The following IRF2 variants were observed in gnomAD, a reference collection of about 807,000 sequenced individuals.
IRF2 encodes interferon regulatory factor 2.
IRF2 carries 15 observed loss-of-function variants against 40.6 expected under a neutral mutation model. The observed-to-expected ratio is 0.37, with a 90% CI of 0.25 to 0.57. IRF2 has a LOEUF of 0.57. IRF2 is among the 20% of genes least tolerant of loss of function. The probability of loss-of-function intolerance (pLI) is 0.77; values close to 1 mark genes in which losing one functional copy is unlikely to be tolerated. For synonymous variants in IRF2, 151 were observed against 165.5 expected (o/e 0.91, Z 0.67); for missense variants, 317 against 455.7 (o/e 0.70, Z 2.77).
chr4:184,416,977 C>T (rs538613482), intron 5 of IRF2, among the ~76,000 whole-genome samples: 3 of 152,098 alleles, frequency 2.0e-5, no homozygotes, highest in African/African-American at 7.2e-5. Context: ...ACCCAGGAGG[C>T]GGAGGTTGCA....
In IRF2 at chr4:184,396,415, CAT is replaced by C. The variant is rs199771117; in HGVS notation, c.694+2498_694+2499del. 6.3e-4 allele frequency among the ~76,000 whole-genome samples: 93 copies of C among 147,848 alleles called. No homozygotes were observed. In the South Asian group the frequency reaches 0.011, roughly 18 times the overall value. On this transcript the variant is annotated intron_variant, in intron 7 of 8. Coordinates refer to ENST00000393593, the MANE Select transcript of IRF2 (RefSeq NM_002199.4). ...GCTCTACCCACGCCAGCCGCAGATC[CAT>C]ATATATATATTTTTTTTTCTTTTTT...
intron 1 of IRF2, among the ~76,000 whole-genome samples, chr4:184,441,691 A>G (rs1159924893): frequency 6.6e-6 from 1 of 152,150 alleles, no homozygotes; most frequent in Admixed American, 6.5e-5. Context: ...ATCCTCCACC[A>G]TGAGGGTATT....
chr4:184,471,938 G>A (rs1739526685), intron 1 of IRF2: 1 of 152,200 alleles, frequency 6.6e-6, no homozygotes, highest in African/African-American at 2.4e-5. Flanking sequence ...AATGAAATAT[G>A]TAAATGTTTA....
intron 7 of IRF2, among the ~76,000 whole-genome samples, chr4:184,396,280 C>G (rs563033232): frequency 6.6e-6 from 1 of 152,162 alleles, no homozygotes; most frequent in African/African-American, 2.4e-5. Flanking sequence ...CGGCAGAGCC[C>G]GTGCGCTGTC....
At chr4:184,435,050 A>G (rs1036738993) in intron 1 of IRF2, among the ~76,000 whole-genome samples, 2 of 152,188 alleles carry the variant, frequency 1.3e-5, no homozygotes, top group African/African-American at 4.8e-5. Context: ...GCCCCTCTCT[A>G]AAAATAGAAA....
intron 1 of IRF2, among the ~76,000 whole-genome samples, chr4:184,446,284 G>C (rs1030283521): frequency 2.6e-5 from 4 of 152,244 alleles, no homozygotes; most frequent in Admixed American, 2.0e-4. Context: ...ACTAGGGGTA[G>C]AGGGGCAGGT....
chr4:184,452,237 G>A (rs928133037), intron 1 of IRF2, among the ~76,000 whole-genome samples: 12 of 152,224 alleles, frequency 7.9e-5, no homozygotes, highest in African/African-American at 2.9e-4. Flanking sequence ...GCTGAGCAAA[G>A]GGGCTGGCTC....
At chr4:184,466,110 G>T (rs906043550) in intron 1 of IRF2, among the ~76,000 whole-genome samples, 2 of 150,314 alleles carry the variant, frequency 1.3e-5, no homozygotes, top group African/African-American at 5.0e-5. Flanking sequence ...ACCCAAGCTG[G>T]TGCGATCTCG....
Position 184,468,308 on chromosome 4 carries a change from G to A in IRF2, c.-7+6071C>T, listed in dbSNP as rs541183943. ...TTCGAGACCAGCCGGCCAACATGGC[G>A]AAACCTCATCTCTACTAAAAATACA... On this transcript the variant is annotated intron_variant, in intron 1 of 8. Transcript: ENST00000393593. 1.2e-3 allele frequency among the ~76,000 whole-genome samples: 175 copies of A among 152,026 alleles called. 1 individual carries two copies. Among genetic ancestry groups the A allele is most frequent in the Non-Finnish European group, 2.0e-3 (136 of 67,996 alleles).
intron 1 of IRF2, among the ~76,000 whole-genome samples, chr4:184,445,744 C>A (rs769126982): frequency 3.3e-5 from 5 of 151,980 alleles, no homozygotes; most frequent in African/African-American, 1.2e-4. Flanking sequence ...CCCTTCCTTC[C>A]TCCACCCTTC....
chr4:184,434,410 T>G (rs1186564383), intron 1 of IRF2, among the ~76,000 whole-genome samples: 2 of 151,640 alleles, frequency 1.3e-5, no homozygotes, highest in African/African-American at 2.4e-5. Context: ...AATCTGATGT[T>G]TTTTTTTCTG....
Position 184,424,809 on chromosome 4 carries a change from C to G in IRF2, c.87+4169G>C, listed in dbSNP as rs1737610012. ...TAAGGCATTAATTAACCAACTCTTT[C>G]TCTCTTACTAAGAATGGAGTAGGTT... On this transcript the variant is annotated intron_variant, in intron 2 of 8. Coordinates refer to ENST00000393593, the MANE Select transcript of IRF2 (RefSeq NM_002199.4). Among the ~76,000 whole-genome samples the G allele has an allele frequency of 2.6e-5, 4 of 152,248 alleles. No individual in the cohort carries two copies. The South Asian group carries it at 8.3e-4, about 31-fold the overall frequency.
chr4:184,397,237 T>C (rs1217838196), intron 7 of IRF2, among the ~76,000 whole-genome samples: 1 of 152,150 alleles, frequency 6.6e-6, no homozygotes, highest in East Asian at 1.9e-4. Context: ...AATAAGCCAG[T>C]CACAAAACAA....
intron 1 of IRF2, among the ~76,000 whole-genome samples, chr4:184,443,606 G>A (rs1191752582): frequency 4.8e-5 from 7 of 147,282 alleles, no homozygotes; most frequent in African/African-American, 1.8e-4. Flanking sequence ...TCTTTATCCG[G>A]TCCACTGCTG....
intron 7 of IRF2, among the ~76,000 whole-genome samples, chr4:184,396,974 A>G (rs1344985545): frequency 6.6e-6 from 1 of 152,140 alleles, no homozygotes; most frequent in Non-Finnish European, 1.5e-5. Context: ...ACAACAGTCA[A>G]CTGTACCCAA....
chr4:184,395,881 C>T (rs1161461817), intron 7 of IRF2, among the ~76,000 whole-genome samples: 1 of 152,232 alleles, frequency 6.6e-6, no homozygotes, highest in Non-Finnish European at 1.5e-5. Flanking sequence ...TTTCTCTCTG[C>T]ATGGATCTGC....
chr4:184,473,036 C>T (rs1328968175), intron 1 of IRF2, among the ~76,000 whole-genome samples: 1 of 152,032 alleles, frequency 6.6e-6, no homozygotes, highest in African/African-American at 2.4e-5. Context: ...CCAGCCCCGG[C>T]GGACGCCGGC....
intron 1 of IRF2, among the ~76,000 whole-genome samples, chr4:184,437,811 A>T (rs1401091708): frequency 6.9e-6 from 1 of 144,222 alleles, no homozygotes; most frequent in Non-Finnish European, 1.5e-5. Flanking sequence ...CTGGGTCAGG[A>T]CAGTGGCTAT....
intron 7 of IRF2, among the ~76,000 whole-genome samples, chr4:184,397,910 C>T (rs768129884): frequency 2.0e-5 from 3 of 152,218 alleles, no homozygotes; most frequent in African/African-American, 4.8e-5. Context: ...CATCCTTTTA[C>T]TCTGGAAGAA....
Sources: allele counts gnomAD v4.1 joint callset (sites outside exome capture counted in the v4.1 genomes callset), GRCh38; gene constraint gnomAD v4.1.1; transcripts MANE v1.5; gene names NCBI Gene and HGNC (gene_info 2026-07-23, HGNC 2026-07-21).